Variants in SLC7A9 observed in about 807,000 individuals in gnomAD.
The protein encoded by SLC7A9 is B(0,+)-type amino acid transporter 1.
A neutral mutation model predicts 54.1 loss-of-function variants in SLC7A9; 38 were observed. The ratio of observed to expected loss-of-function variants is 0.70; its 90% CI spans 0.54 to 0.92. The LOEUF (loss-of-function observed/expected upper bound fraction) is 0.92, where lower values mean the gene tolerates loss of function less well. Among genes scored for constraint, SLC7A9 ranks in the 40% least tolerant of loss-of-function variants. The pLI, the probability that SLC7A9 is intolerant of heterozygous loss-of-function variation, is 0.00. For synonymous variants in SLC7A9, 264 were observed against 258.9 expected (o/e 1.02, Z -0.19); for missense variants, 537 against 636.1 (o/e 0.84, Z 1.68).
intron 2 of SLC7A9, 90 bp downstream of exon 2, chr19:32,868,358 G>T: frequency 1.1e-6 from 1 of 878,412 alleles, no homozygotes; most frequent in East Asian, 2.4e-5. Flanking sequence ...CGTGTCACTA[G>T]GGATCGGCCC....
intron 10 of SLC7A9, 32 bp from the exon 11 acceptor site, chr19:32,842,349 T>C: frequency 6.3e-7 from 1 of 1,593,862 alleles, no homozygotes; most frequent in Non-Finnish European, 8.6e-7. Flanking sequence ...TTGTAGGTCA[T>C]TACTACAAAA....
At chr19:32,858,787 T>TATTTATTTATTTATTC (rs1968708454) in intron 8 of SLC7A9, among the ~76,000 whole-genome samples, 1 of 151,774 alleles carries the variant, frequency 6.6e-6, no homozygotes, top group Non-Finnish European at 1.5e-5. Flanking sequence ...TTTATTTATT[T>TATTTATTTATTTATTC]ATTTATTTAT....
chr19:32,841,197 T>C (rs1968117431), intron 11 of SLC7A9, among the ~76,000 whole-genome samples: 1 of 152,214 alleles, frequency 6.6e-6, no homozygotes, highest in Non-Finnish European at 1.5e-5. Context: ...CCTAGTTACT[T>C]AAGCCCTCAG....
chr19:32,836,601 G>A (rs908131616), intron 11 of SLC7A9, among the ~76,000 whole-genome samples: 2 of 152,090 alleles, frequency 1.3e-5, no homozygotes, highest in African/African-American at 2.4e-5. Flanking sequence ...GCTGGGGTTC[G>A]GGGCTTGATA....
chr19:32,836,726 T>C (rs1174163584), intron 11 of SLC7A9, among the ~76,000 whole-genome samples: 2 of 152,294 alleles, frequency 1.3e-5, no homozygotes, highest in East Asian at 3.9e-4. Flanking sequence ...GTTATTAACG[T>C]GTTTCTCCCT....
rs566550278 is a variant in SLC7A9, at chr19:32,842,052, T to C, written c.1224+116A>G. 7.6e-5 allele frequency: 78 copies of C among 1,032,926 alleles called. No individual in the cohort carries two copies. The East Asian group carries it at 1.9e-3, about 26-fold the overall frequency. The allele number at this position is 1,032,926 out of a possible 1,614,324, so 64.0% of individuals were successfully genotyped here. A position where few individuals can be genotyped will look rare whatever the true frequency, so the allele number is the denominator to read the frequency against. Reference sequence around the variant, plus strand: ...TAAACTCCACTCTAAAATACGATATTTTAAAAGAGTCAAGTCAGATTGGAA... The same window carrying C: ...TAAACTCCACTCTAAAATACGATATCTTAAAAGAGTCAAGTCAGATTGGAA... On this transcript the variant is annotated intron_variant, in intron 11 of 12. Transcript: ENST00000023064.
At chr19:32,853,126 G>A (rs1035721405) in intron 9 of SLC7A9, among the ~76,000 whole-genome samples, 30 of 152,096 alleles carry the variant, frequency 2.0e-4, no homozygotes, top group African/African-American at 7.2e-4. Flanking sequence ...GGCCAGGCTG[G>A]TCTTGAACTC....
Position 32,862,137 on chromosome 19 carries a change from G to A in SLC7A9, c.685C>T (p.Leu229Phe). ...CCTCACCATCCATCATAGGCCCAGA[G>A]TCCATTGTAAAACGCCAGGCTGATG... ...GAISLAFYNG[L>F]WAYDGWNQLN... The change falls in exon 6 of 13, where the codon CTC becomes TTC. Residue 229 changes from leucine to phenylalanine, a missense_variant. Physicochemically the swap from Leu to Phe is conservative, Grantham distance 22. Coordinates refer to ENST00000023064, the MANE Select transcript of SLC7A9 (RefSeq NM_014270.5). The A allele has an allele frequency of 6.2e-7, 1 of 1,612,668 alleles. No individual in the cohort carries two copies. The highest frequency in any genetic ancestry group is 2.2e-5 in the East Asian group (1 of 44,878).
chr19:32,864,881 C>T, intron 2 of SLC7A9, 105 bp from the exon 3 acceptor site: 1 of 1,483,886 alleles, frequency 6.7e-7, no homozygotes, highest in South Asian at 1.1e-5. Context: ...CCAGCCAAAG[C>T]CCATGTCCCA....
chr19:32,864,882 C>T, intron 2 of SLC7A9, 106 bp from the exon 3 acceptor site: 1 of 1,485,740 alleles, frequency 6.7e-7, no homozygotes, highest in Non-Finnish European at 9.4e-7. Flanking sequence ...CAGCCAAAGC[C>T]CATGTCCCAG....
intron 9 of SLC7A9, among the ~76,000 whole-genome samples, chr19:32,857,802 A>G (rs1376237026): frequency 2.0e-5 from 3 of 152,220 alleles, no homozygotes; most frequent in Non-Finnish European, 4.4e-5. Context: ...TCTCTAGACC[A>G]GATGGGTCTA....
rs532919199 is a variant in SLC7A9 at position 32,839,431 on chromosome 19, T to C, written c.1224+2737A>G. Among the ~76,000 whole-genome samples, 8 of 151,776 alleles carry C rather than the reference T, an allele frequency of 5.3e-5. 1 individual carries two copies. Among genetic ancestry groups the C allele is most frequent in the African/African-American group, 1.9e-4 (8 of 41,376 alleles). Reference sequence around the variant, plus strand: ...AGCCAGGCGTGGTGGCACGCGCCTATAATCCCAGCTACTTAGAAGGCTGAC... The same window carrying C: ...AGCCAGGCGTGGTGGCACGCGCCTACAATCCCAGCTACTTAGAAGGCTGAC... On this transcript the variant is annotated intron_variant, in intron 11 of 12. Transcript: ENST00000023064.
At chr19:32,853,335 T>G (rs1430666344) in intron 9 of SLC7A9, among the ~76,000 whole-genome samples, 5 of 152,116 alleles carry the variant, frequency 3.3e-5, no homozygotes, top group African/African-American at 1.2e-4. Flanking sequence ...CTTTTTGGGG[T>G]GATGGAAATG....
intron 6 of SLC7A9, among the ~76,000 whole-genome samples, chr19:32,861,284 A>G (rs548926016): frequency 6.6e-6 from 1 of 151,236 alleles, no homozygotes; most frequent in Non-Finnish European, 1.5e-5. Flanking sequence ...GTGAGCCGAG[A>G]TCTCACCACA....
intron 2 of SLC7A9, among the ~76,000 whole-genome samples, chr19:32,867,739 A>G (rs2145851858): frequency 6.6e-6 from 1 of 151,678 alleles, no homozygotes; most frequent in Non-Finnish European, 1.5e-5. Flanking sequence ...GAGGCCAGGA[A>G]TTGGAGACCA....
intron 9 of SLC7A9, among the ~76,000 whole-genome samples, chr19:32,849,794 CA>C (rs1968414923): frequency 6.7e-6 from 1 of 150,128 alleles, no homozygotes; most frequent in Non-Finnish European, 1.5e-5. Context: ...AAAATACTGG[CA>C]AACCGAATCC....
At position 32,862,433 on chromosome 19, in the gene SLC7A9, G is replaced by A. The variant is rs376477001; in HGVS notation, c.604+28C>T. 64 of 1,612,120 alleles carry A rather than the reference G, an allele frequency of 4.0e-5. No individual in the cohort carries two copies. In the East Asian group the frequency reaches 5.8e-4, roughly 15 times the overall value. Reference sequence around the variant, plus strand: ...GTGGAAGGGCGTTTGGTGTGTGCCCGTGCAGGGCCCACCCTCCCGTGGGTC... The same window carrying A: ...GTGGAAGGGCGTTTGGTGTGTGCCCATGCAGGGCCCACCCTCCCGTGGGTC... On this transcript the variant is annotated intron_variant, in intron 5 of 12. Coordinates refer to ENST00000023064, the MANE Select transcript of SLC7A9 (RefSeq NM_014270.5).
intron 2 of SLC7A9, among the ~76,000 whole-genome samples, chr19:32,868,023 G>C (rs943556754): frequency 6.6e-6 from 1 of 150,386 alleles, no homozygotes; most frequent in Non-Finnish European, 1.5e-5. Context: ...CTGAGGCCAA[G>C]AGTCTGAGAC....
intron 9 of SLC7A9, among the ~76,000 whole-genome samples, chr19:32,850,868 T>G (rs370585409): frequency 6.6e-6 from 1 of 152,010 alleles, no homozygotes; most frequent in Non-Finnish European, 1.5e-5. Flanking sequence ...GAAATAATGC[T>G]GCATATCTAC....
Sources: allele counts gnomAD v4.1 joint callset (sites outside exome capture counted in the v4.1 genomes callset), GRCh38; gene constraint gnomAD v4.1.1; transcripts MANE v1.5; gene names NCBI Gene and HGNC (gene_info 2026-07-23, HGNC 2026-07-21).